The following PPP4R1 variants were observed in gnomAD, a reference collection of about 807,000 sequenced individuals.
The protein encoded by PPP4R1 is protein phosphatase 4 regulatory subunit 1, also known as serine/threonine-protein phosphatase 4 regulatory subunit 1.
Under a neutral mutation model 111.2 loss-of-function variants are expected in PPP4R1, and 42 were observed. That is an observed-to-expected ratio of 0.38 (90% CI 0.29 to 0.49). The LOEUF (loss-of-function observed/expected upper bound fraction) is 0.49. Ranked by LOEUF, PPP4R1 falls within the 20% of genes least tolerant of loss-of-function variation. The pLI is 0.97. For synonymous variants in PPP4R1, 409 were observed against 405.5 expected, an observed-to-expected ratio of 1.01 and a Z score of -0.10; for missense variants, 1,012 against 1,161.6, an observed-to-expected ratio of 0.87 and a Z score of 1.87.
chr18:9,561,942 A>G, intron 13 of PPP4R1, 38 bp downstream of exon 13: 2 of 1,516,520 alleles, frequency 1.3e-6, no homozygotes, highest in Non-Finnish European at 1.8e-6. Context: ...AGGAATTAGG[A>G]ACACACCCAC....
intron 19 of PPP4R1, among the ~76,000 whole-genome samples, 183 bp downstream of exon 19, chr18:9,549,014 T>TA (rs1467211293): frequency 6.6e-6 from 1 of 152,234 alleles, no homozygotes; most frequent in Non-Finnish European, 1.5e-5. Context: ...GAGGGCTAAT[T>TA]AAAAAATCCC....
chr18:9,560,351 CAT>C (rs368470207), intron 13 of PPP4R1, among the ~76,000 whole-genome samples: 1,541 of 152,192 alleles, frequency 0.01, 28 homozygotes, highest in African/African-American at 0.035. Context: ...TTGAAGTGCA[CAT>C]GTCTAATTAT....
At chr18:9,562,252 C>T (rs2066690945) in intron 12 of PPP4R1, among the ~76,000 whole-genome samples, 177 bp from the exon 13 acceptor site, 1 of 152,140 alleles carries the variant, frequency 6.6e-6, no homozygotes, top group South Asian at 2.1e-4. Flanking sequence ...ATCTAACTTG[C>T]TGAATAGGTT....
chr18:9,557,746 G>A (rs1244395716), intron 14 of PPP4R1, among the ~76,000 whole-genome samples: 1 of 152,036 alleles, frequency 6.6e-6, no homozygotes, highest in East Asian at 1.9e-4. Context: ...GCACATGCTA[G>A]AACATGCCGA....
intron 6 of PPP4R1, among the ~76,000 whole-genome samples, chr18:9,586,167 C>T (rs1311070409): frequency 6.6e-6 from 1 of 151,470 alleles, no homozygotes; most frequent in African/African-American, 2.4e-5. Context: ...ATTATTATTT[C>T]TCTATCTATT....
At chr18:9,611,345 A>G (rs752779494) in intron 2 of PPP4R1, among the ~76,000 whole-genome samples, 3 of 152,048 alleles carry the variant, frequency 2.0e-5, no homozygotes, top group Non-Finnish European at 2.9e-5. Flanking sequence ...ACCGTGTTAT[A>G]AGGGCAGCCC....
chr18:9,595,247 G>T, intron 2 of PPP4R1, 94 bp from the exon 3 acceptor site: 1 of 1,285,282 alleles, frequency 7.8e-7, no homozygotes. Flanking sequence ...TTCTGGAATG[G>T]TACAAAAAAA....
At chr18:9,586,653 A>G (rs1362555219) in intron 6 of PPP4R1, among the ~76,000 whole-genome samples, 1 of 152,166 alleles carries the variant, frequency 6.6e-6, no homozygotes, top group Non-Finnish European at 1.5e-5. Flanking sequence ...TCATCCCATT[A>G]CTGATGATCC....
intron 11 of PPP4R1, among the ~76,000 whole-genome samples, chr18:9,564,372 AATCT>A (rs1275970626): frequency 4.6e-5 from 7 of 152,346 alleles, no homozygotes; most frequent in African/African-American, 1.4e-4. Flanking sequence ...ATTTTAAGAT[AATCT>A]ATTATGCTGC....
In PPP4R1 at chr18:9,583,754, C is replaced by T. The variant is rs554460592; in HGVS notation, c.760-479G>A. 2.6e-5 allele frequency among the ~76,000 whole-genome samples: 4 copies of T among 152,040 alleles called. No individual in the cohort carries two copies. In the East Asian group the frequency reaches 5.8e-4, roughly 22 times the overall value. ...TTTTCAATAAATCACATCTAATTTA[C>T]TGTCTATTCCTAAAAGTATAAAAAA... is the stretch of plus-strand genomic sequence containing the variant. On this transcript the variant is annotated intron_variant, in intron 8 of 19. Transcript: ENST00000400556.
upstream of PPP4R1, chr18:9,614,598 G>A (rs1166609501): frequency 1.7e-6 from 1 of 600,288 alleles, no homozygotes; most frequent in Non-Finnish European, 2.1e-6. The surrounding 1 kb of genome is among the most constrained non-coding windows in gnomAD (Gnocchi z 4.1). Context: ...GAGGAGGGCC[G>A]GGCTGGCGGG....
chr18:9,584,685 T>G (rs1252891899), intron 7 of PPP4R1, 36 bp downstream of exon 7: 2 of 1,608,296 alleles, frequency 1.2e-6, no homozygotes, highest in African/African-American at 2.7e-5. Context: ...TAGAACTATG[T>G]TCTTAAACAG....
rs2067058236 is a variant in PPP4R1 at position 9,583,154 on chromosome 18, G to A, written c.881C>T (p.Ala294Val). 2 of 1,611,708 alleles carry A rather than the reference G, an allele frequency of 1.2e-6. No homozygotes were observed. The highest frequency in any genetic ancestry group is 2.7e-5 in the African/African-American group (2 of 74,876). ...CQEIRRTKLS[A>V]LFINLISDPS... ...ATCACTGATCAAATTAATAAAAAGT[G>A]CTGATAATTTGGTCCGTCGGATTTC... is the stretch of plus-strand genomic sequence containing the variant. Residue 294 changes from alanine to valine, a missense_variant, in exon 9 of 20, where the codon GCA becomes GTA. Physicochemically the swap from Ala to Val is moderately conservative, Grantham distance 64 (BLOSUM62 0). Around this residue, in one of 2 missense-constraint regions of PPP4R1, gnomAD observed 707 missense variants for 742.1 expected, o/e 0.95. Transcript: ENST00000400556.
intron 13 of PPP4R1, among the ~76,000 whole-genome samples, chr18:9,561,202 G>C (rs1277127215): frequency 1.4e-5 from 2 of 147,440 alleles, no homozygotes; most frequent in Non-Finnish European, 3.0e-5. Flanking sequence ...CTGGGTGACA[G>C]AGTGAGACTC....
At chr18:9,582,957 CACAA>C (rs1451562123) in intron 9 of PPP4R1, among the ~76,000 whole-genome samples, 156 bp downstream of exon 9, 7 of 152,104 alleles carry the variant, frequency 4.6e-5, no homozygotes, top group Non-Finnish European at 8.8e-5. Flanking sequence ...CAAAAAAACA[CACAA>C]ACTGTTAATA....
intron 2 of PPP4R1, among the ~76,000 whole-genome samples, chr18:9,604,961 C>T (rs1485459284): frequency 2.0e-5 from 3 of 152,136 alleles, no homozygotes; most frequent in Admixed American, 1.3e-4. Context: ...CATATTAATA[C>T]CTTGAGAAGT....
At chr18:9,569,869 T>C (rs139891939) in intron 11 of PPP4R1, among the ~76,000 whole-genome samples, 17 of 152,108 alleles carry the variant, frequency 1.1e-4, no homozygotes, top group African/African-American at 2.9e-4. Flanking sequence ...CCCACCTCAG[T>C]TTCCCAAGTT....
At chr18:9,571,853 GGACTACAGGAAATCA>G (rs1174977350) in intron 10 of PPP4R1, among the ~76,000 whole-genome samples, 2 of 152,182 alleles carry the variant, frequency 1.3e-5, no homozygotes, top group Non-Finnish European at 2.9e-5. Context: ...AGTTCATCCT[GGACTACAGGAAATCA>G]TGTAGTAAGG....
At chr18:9,574,914 C>T (rs557959540) in intron 10 of PPP4R1, among the ~76,000 whole-genome samples, 39 of 152,248 alleles carry the variant, frequency 2.6e-4, no homozygotes, top group African/African-American at 8.7e-4. Context: ...AATGTGATAA[C>T]GAATGCTTAT....
Sources: gnomAD v4.1 joint callset for allele counts (sites outside exome capture counted in the v4.1 genomes callset) on GRCh38, gnomAD v4.1.1 for gene constraint, gnomAD v4.1.1 regional missense constraint, Gnocchi (gnomAD v3.1) non-coding constraint, MANE v1.5 for transcripts, NCBI Gene and HGNC (gene_info 2026-07-23, HGNC 2026-07-21) for gene names.